Variants in KPNA3 observed in about 807,000 individuals in gnomAD.
The protein encoded by KPNA3 is karyopherin subunit alpha 3, also known as importin subunit alpha-4.
In KPNA3, 13 loss-of-function variants were observed where a neutral mutation model predicts 73.8. The ratio of observed to expected loss-of-function variants is 0.18; its 90% CI spans 0.11 to 0.28. KPNA3 has a LOEUF of 0.28. Ranked by LOEUF, KPNA3 falls within the 10% of genes least tolerant of loss-of-function variation. The probability of loss-of-function intolerance (pLI) is 1.00; values close to 1 mark genes in which losing one functional copy is unlikely to be tolerated. For synonymous variants in KPNA3, 186 were observed against 206.9 expected (o/e 0.90, Z 0.87); for missense variants, 360 against 618.1 (o/e 0.58, Z 4.43).
chr13:49,760,414 C>CA (rs1365099527), intron 1 of KPNA3, among the ~76,000 whole-genome samples: 11,544 of 59,428 alleles, frequency 0.19, 822 homozygotes, highest in South Asian at 0.32. Flanking sequence ...GATCCCATCT[C>CA]AAAAAAAAAA....
At chr13:49,767,787 G>T (rs1055085366) in intron 1 of KPNA3, among the ~76,000 whole-genome samples, 2 of 152,118 alleles carry the variant, frequency 1.3e-5, no homozygotes, top group Non-Finnish European at 2.9e-5. Flanking sequence ...ACAGTACAGT[G>T]AAAGTACCTT....
intron 10 of KPNA3, among the ~76,000 whole-genome samples, chr13:49,716,264 G>A (rs1954303278): frequency 6.6e-6 from 1 of 152,026 alleles, no homozygotes; most frequent in South Asian, 2.1e-4. Context: ...TAGCCTTTGA[G>A]CTATCAACCT....
intron 6 of KPNA3, among the ~76,000 whole-genome samples, chr13:49,726,328 C>T (rs180794117): frequency 2.0e-5 from 3 of 152,234 alleles, no homozygotes; most frequent in Admixed American, 6.5e-5. Context: ...AATGGAAGAC[C>T]TCACAAAGAA....
At chr13:49,714,538 C>T (rs546760533) in intron 10 of KPNA3, among the ~76,000 whole-genome samples, 52 of 151,852 alleles carry the variant, frequency 3.4e-4, no homozygotes, top group Non-Finnish European at 5.9e-4. Flanking sequence ...ACTTCCATAT[C>T]AAAAATAAAG....
chr13:49,757,720 C>G (rs769607704), intron 1 of KPNA3, among the ~76,000 whole-genome samples: 1 of 152,024 alleles, frequency 6.6e-6, no homozygotes, highest in Non-Finnish European at 1.5e-5. Flanking sequence ...ACAACCTGTA[C>G]GCAAATGTTT....
chr13:49,725,391 T>C (rs370847245), intron 7 of KPNA3, 25 bp downstream of exon 7: 61 of 1,440,730 alleles, frequency 4.2e-5, no homozygotes, highest in Non-Finnish European at 6.7e-6. Context: ...ACACAAAAAG[T>C]TCAGACAGTA....
At position 49,723,431 on chromosome 13, in the gene KPNA3, G is replaced by A. The variant is rs527335169; in HGVS notation, c.470-868C>T. Reference sequence around the variant, plus strand: ...CTAAAAATATAAAAATTAGCCGGGCGTGGTGGTGGGCGCCTGTAATCCCAG... The same window carrying A: ...CTAAAAATATAAAAATTAGCCGGGCATGGTGGTGGGCGCCTGTAATCCCAG... On this transcript the variant is annotated intron_variant, in intron 7 of 16. Coordinates refer to ENST00000261667, the MANE Select transcript of KPNA3 (RefSeq NM_002267.4). 4.3e-4 allele frequency among the ~76,000 whole-genome samples: 65 copies of A among 152,054 alleles called. No homozygotes were observed. In the South Asian group the frequency reaches 0.012, roughly 29 times the overall value.
At chr13:49,758,618 A>G (rs1022941846) in intron 1 of KPNA3, among the ~76,000 whole-genome samples, 15 of 152,334 alleles carry the variant, frequency 9.8e-5, no homozygotes, top group South Asian at 6.2e-4. Context: ...AAAGACGGAT[A>G]TATGATAGAA....
chr13:49,762,927 C>CAAAAAA (rs1555307131), intron 1 of KPNA3, among the ~76,000 whole-genome samples: 1 of 141,692 alleles, frequency 7.1e-6, no homozygotes. Flanking sequence ...GCTTAAAAAA[C>CAAAAAA]AAAAAAAGAA....
At chr13:49,763,228 GAT>G (rs1206727254) in intron 1 of KPNA3, among the ~76,000 whole-genome samples, 2 of 152,090 alleles carry the variant, frequency 1.3e-5, no homozygotes, top group African/African-American at 4.8e-5. Flanking sequence ...AGAACTCTGA[GAT>G]ATGAAAAAAT....
At chr13:49,735,610 T>C (rs575867343) in intron 2 of KPNA3, among the ~76,000 whole-genome samples, 8 of 152,182 alleles carry the variant, frequency 5.3e-5, no homozygotes, top group Non-Finnish European at 1.0e-4. Flanking sequence ...TACTTTTCTT[T>C]TGTCAGGTGA....
chr13:49,740,376 A>T lies in KPNA3; in HGVS notation c.114+6573T>A, dbSNP rs1245763015. Among the ~76,000 whole-genome samples the T allele has an allele frequency of 3.3e-5, 5 of 152,164 alleles. No individual in the cohort carries two copies. The South Asian group carries it at 1.0e-3, about 32-fold the overall frequency. ...CACATTGTTATTAACTATAGTTCAT[A>T]ACCATGTGATATGGTTTGGCTGTAT... On this transcript the variant is annotated intron_variant, in intron 2 of 16. Transcript: ENST00000261667.
At chr13:49,723,947 C>A (rs1369067449) in intron 7 of KPNA3, among the ~76,000 whole-genome samples, 1 of 152,094 alleles carries the variant, frequency 6.6e-6, no homozygotes, top group Non-Finnish European at 1.5e-5. Context: ...TGTTCCTCTG[C>A]CACACATTCC....
Position 49,701,545 on chromosome 13 carries a change from AG to A in KPNA3, c.*254del, listed in dbSNP as rs1566329329. On this transcript the variant is annotated 3_prime_UTR_variant, in exon 17 of 17. Coordinates refer to ENST00000261667, the MANE Select transcript of KPNA3 (RefSeq NM_002267.4). ...TTGTCAGCCTGTGGCACCAGGGAAC[AG>A]GGAAAAATAGGGTAGTTGAGATTGT... is the stretch of plus-strand genomic sequence containing the variant. 3.5e-6 allele frequency: 2 copies of A among 569,258 alleles called. No homozygotes were observed. The highest frequency in any genetic ancestry group is 6.9e-6 in the Non-Finnish European group (2 of 290,722). 35.3% of individuals were successfully genotyped at this position (569,258 alleles called of 1,614,324 possible).
chr13:49,714,564 C>T (rs1020838210), intron 10 of KPNA3, among the ~76,000 whole-genome samples: 2 of 151,954 alleles, frequency 1.3e-5, no homozygotes, highest in Admixed American at 6.6e-5. Flanking sequence ...TATCATGAAA[C>T]TAACTCCACA....
At position 49,722,558 on chromosome 13, in the gene KPNA3, C is replaced by A; in HGVS notation, c.475G>T (p.Val159Leu). The A allele has an allele frequency of 6.2e-7, 1 of 1,601,070 alleles. No individual in the cohort carries two copies. The highest frequency in any genetic ancestry group is 8.5e-7 in the Non-Finnish European group (1 of 1,170,644). ...QTQAVVQSNA[V>L]PLFLRLLRSP... ...CGAAGAAGTCTCAGAAAAAGAGGTACTGCATCTGTAATAAAGAAAAACTAA... is the reference window on the plus strand; with the variant it reads ...CGAAGAAGTCTCAGAAAAAGAGGTAATGCATCTGTAATAAAGAAAAACTAA... The change falls in exon 8 of 17, where the codon GTA (valine) becomes TTA (leucine). Residue 159 changes from valine (V) to leucine (L), a missense_variant. By Grantham distance (32) the Val-to-Leu change is conservative. Transcript: ENST00000261667.
intron 6 of KPNA3, among the ~76,000 whole-genome samples, chr13:49,729,641 G>A (rs1035461520): frequency 1.3e-5 from 2 of 152,214 alleles, no homozygotes; most frequent in East Asian, 1.9e-4. Flanking sequence ...TTAGCTGGGC[G>A]TGGTGGCAGG....
intron 14 of KPNA3, 135 bp from the exon 15 acceptor site, chr13:49,705,918 A>G (rs1954203485): frequency 1.1e-5 from 11 of 965,266 alleles, no homozygotes. Flanking sequence ...CGTTATGGTC[A>G]TGCCTGTGAA....
chr13:49,787,545 C>T (rs909253947), intron 1 of KPNA3, among the ~76,000 whole-genome samples: 5 of 152,184 alleles, frequency 3.3e-5, no homozygotes, highest in Non-Finnish European at 5.9e-5. Flanking sequence ...TTCACTCTGT[C>T]GCCCAGACTT....
Sources: allele counts gnomAD v4.1 joint callset (sites outside exome capture counted in the v4.1 genomes callset), GRCh38; gene constraint gnomAD v4.1.1; transcripts MANE v1.5; gene names NCBI Gene and HGNC (gene_info 2026-07-23, HGNC 2026-07-21).